Variants in ACTR3B observed in about 807,000 individuals in gnomAD.
ACTR3B encodes actin related protein 3B, also known as actin-related protein 3B.
ACTR3B carries 8 observed loss-of-function variants against 59.0 expected under a neutral mutation model. The observed-to-expected ratio is 0.14, with a 90% CI of 0.08 to 0.24. The LOEUF is 0.24. Among genes scored for constraint, ACTR3B ranks in the 10% least tolerant of loss-of-function variants. The pLI, the probability that ACTR3B is intolerant of heterozygous loss-of-function variation, is 1.00. For synonymous variants in ACTR3B, 148 were observed against 197.9 expected, an observed-to-expected ratio of 0.75 and a Z score of 2.12; for missense variants, 245 against 552.3, an observed-to-expected ratio of 0.44 and a Z score of 5.58.
intron 7 of ACTR3B, among the ~76,000 whole-genome samples, chr7:152,821,592 G>C (rs1267673176): frequency 1.3e-5 from 2 of 152,146 alleles, no homozygotes; most frequent in African/African-American, 4.8e-5. Context: ...GGGCTTTCCT[G>C]ACCCTCATGC....
At chr7:152,791,015 C>CT (rs540702221) in intron 2 of ACTR3B, among the ~76,000 whole-genome samples, 1,732 of 138,492 alleles carry the variant, frequency 0.013, 15 homozygotes, top group South Asian at 0.036. Context: ...AATAATTGTT[C>CT]TTTTTTTTTT....
At position 152,817,074 on chromosome 7, in the gene ACTR3B, T is replaced by C. The variant is rs563443143; in HGVS notation, c.540+486T>C. ...GGCAACCAGCTCAAGCTTGGAAAAA[T>C]TGCTTTTTGTTTTAAAAATTTATTT... On this transcript the variant is annotated intron_variant, in intron 6 of 11. Coordinates refer to ENST00000256001, the MANE Select transcript of ACTR3B (RefSeq NM_020445.6). Among the ~76,000 whole-genome samples, 586 of 148,706 alleles carry C rather than the reference T, an allele frequency of 3.9e-3. 6 individuals are homozygous for C. In the South Asian group the frequency reaches 0.04, roughly 10 times the overall value.
chr7:152,807,836 T>C (rs2098257138), intron 4 of ACTR3B, among the ~76,000 whole-genome samples: 2 of 152,228 alleles, frequency 1.3e-5, no homozygotes, highest in Non-Finnish European at 2.9e-5. Flanking sequence ...TTCTTGTTGC[T>C]GTGATTTCTA....
intron 2 of ACTR3B, among the ~76,000 whole-genome samples, chr7:152,797,388 C>G (rs1263210034): frequency 6.6e-6 from 1 of 152,082 alleles, no homozygotes; most frequent in Non-Finnish European, 1.5e-5. Flanking sequence ...ACAGCTGGCT[C>G]TGATTTTAAT....
In ACTR3B at chr7:152,855,104, A is replaced by G. The variant is rs1158797444; in HGVS notation, c.*551A>G. The G allele has an allele frequency of 6.5e-6, 1 of 153,234 alleles. No homozygotes were observed. The highest frequency in any genetic ancestry group is 1.5e-5 in the Non-Finnish European group (1 of 68,488). The allele number at this position is 153,234 out of a possible 1,614,324, so 9.5% of individuals were successfully genotyped here. A position where few individuals can be genotyped will look rare whatever the true frequency, so the allele number is the denominator to read the frequency against. ...AATCCAAAGTTTTTAATTGTGAGGCATGTTCTGATATGTTTATAGGCAAAC... is the reference window on the plus strand; with the variant it reads ...AATCCAAAGTTTTTAATTGTGAGGCGTGTTCTGATATGTTTATAGGCAAAC... On this transcript the variant is annotated 3_prime_UTR_variant, in exon 12 of 12. Coordinates refer to ENST00000256001, the MANE Select transcript of ACTR3B (RefSeq NM_020445.6).
chr7:152,833,361 G>A lies in ACTR3B; in HGVS notation c.951+8239G>A, dbSNP rs750958627. Reference sequence around the variant, plus strand: ...TTAGACACAGATTTGTTCAGACTTCGCTGGGATTGCAGTCCCTGGGTTCAG... The same window carrying A: ...TTAGACACAGATTTGTTCAGACTTCACTGGGATTGCAGTCCCTGGGTTCAG... On this transcript the variant is annotated intron_variant, in intron 9 of 11. Coordinates refer to ENST00000256001, the MANE Select transcript of ACTR3B (RefSeq NM_020445.6). Among the ~76,000 whole-genome samples the A allele has an allele frequency of 2.0e-4, 31 of 152,266 alleles. No homozygotes were observed. In the Middle Eastern group the frequency reaches 0.01, roughly 50 times the overall value.
chr7:152,789,904 T>TA lies in ACTR3B; in HGVS notation c.100+6669dup, dbSNP rs578155044. Reference sequence around the variant, plus strand: ...GTTTAATCTGAGGGTTTTTTTTAATTAAAAAAATCATGAATGACAGTGAGT... The same window carrying TA: ...GTTTAATCTGAGGGTTTTTTTTAATTAAAAAAAATCATGAATGACAGTGAGT... On this transcript the variant is annotated intron_variant, in intron 2 of 11. Coordinates refer to ENST00000256001, the MANE Select transcript of ACTR3B (RefSeq NM_020445.6). Among the ~76,000 whole-genome samples the TA allele has an allele frequency of 7.3e-3, 1,111 of 151,776 alleles. 6 individuals carry two copies. Among genetic ancestry groups the TA allele is most frequent in the African/African-American group, 0.025 (1,036 of 41,180 alleles).
At chr7:152,837,095 G>C (rs560799286) in intron 9 of ACTR3B, among the ~76,000 whole-genome samples, 64 of 152,350 alleles carry the variant, frequency 4.2e-4, no homozygotes, top group African/African-American at 1.4e-3. Flanking sequence ...AGGATTGCTT[G>C]AGCCTGGGAG....
At chr7:152,836,517 G>T (rs1797469383) in intron 9 of ACTR3B, among the ~76,000 whole-genome samples, 1 of 151,884 alleles carries the variant, frequency 6.6e-6, no homozygotes, top group Admixed American at 6.5e-5. Flanking sequence ...AGCCCAGAAG[G>T]TCGAGGCTGC....
intron 2 of ACTR3B, among the ~76,000 whole-genome samples, chr7:152,791,825 T>C (rs1165522373): frequency 5.3e-5 from 8 of 152,218 alleles, no homozygotes. Context: ...TTCAATAGAT[T>C]AATATTTAAA....
At chr7:152,808,017 G>A (rs879253125) in intron 4 of ACTR3B, among the ~76,000 whole-genome samples, 3 of 152,096 alleles carry the variant, frequency 2.0e-5, no homozygotes, top group East Asian at 1.9e-4. Flanking sequence ...CTCTGTCCCC[G>A]TTGAACACGA....
Position 152,784,788 on chromosome 7 carries a change from C to A in ACTR3B, c.100+1546C>A, listed in dbSNP as rs535164856. Among the ~76,000 whole-genome samples the A allele has an allele frequency of 2.0e-4, 31 of 152,070 alleles. No individual in the cohort carries two copies. The South Asian group carries it at 6.4e-3, about 32-fold the overall frequency. ...TGTCAGTGTGTGGGGTTGCTGGGGA[C>A]CTCGCTGGTGTCTCTTTCTCTGCTG... On this transcript the variant is annotated intron_variant, in intron 2 of 11. Coordinates refer to ENST00000256001, the MANE Select transcript of ACTR3B (RefSeq NM_020445.6).
chr7:152,774,553 GTTAAAACACTT>G (rs1346697881), intron 1 of ACTR3B, among the ~76,000 whole-genome samples: 2 of 151,946 alleles, frequency 1.3e-5, no homozygotes, highest in Non-Finnish European at 2.9e-5. Context: ...CATTTAAACA[GTTAAAACACTT>G]TTAAAACACT....
intron 2 of ACTR3B, among the ~76,000 whole-genome samples, chr7:152,792,411 C>G (rs2098199685): frequency 6.6e-6 from 1 of 151,130 alleles, no homozygotes; most frequent in Non-Finnish European, 1.5e-5. Context: ...CTTTAGAGAA[C>G]TTCCTTTAGC....
At chr7:152,785,026 C>G (rs185040269) in intron 2 of ACTR3B, among the ~76,000 whole-genome samples, 1 of 152,036 alleles carries the variant, frequency 6.6e-6, no homozygotes, top group African/African-American at 2.4e-5. Context: ...CCTGATCATT[C>G]CATGCTGAGT....
At chr7:152,844,464 A>G (rs1461182144) in intron 9 of ACTR3B, among the ~76,000 whole-genome samples, 1 of 152,154 alleles carries the variant, frequency 6.6e-6, no homozygotes, top group Non-Finnish European at 1.5e-5. Context: ...AATGTATTAA[A>G]ATAGCCATAA....
At chr7:152,799,630 A>G (rs149568882) in intron 2 of ACTR3B, among the ~76,000 whole-genome samples, 14,375 of 152,262 alleles carry the variant, frequency 0.094, 737 homozygotes, top group African/African-American at 0.13. Flanking sequence ...ATTGTAATTC[A>G]TCCAGAAAAA....
chr7:152,848,020 C>A (rs908556994), intron 9 of ACTR3B, among the ~76,000 whole-genome samples: 3 of 152,128 alleles, frequency 2.0e-5, no homozygotes, highest in African/African-American at 7.2e-5. Flanking sequence ...ACTTTTGGAT[C>A]CAGTGATAGA....
At chr7:152,847,189 T>C (rs531029506) in intron 9 of ACTR3B, among the ~76,000 whole-genome samples, 90 of 119,268 alleles carry the variant, frequency 7.5e-4, no homozygotes, top group African/African-American at 1.6e-3. Flanking sequence ...CTGTAGTCTG[T>C]AGTGAGCCCC....
Sources: allele counts gnomAD v4.1 joint callset (sites outside exome capture counted in the v4.1 genomes callset), GRCh38; gene constraint gnomAD v4.1.1; transcripts MANE v1.5; gene names NCBI Gene and HGNC (gene_info 2026-07-23, HGNC 2026-07-21).